The following EHMT1 variants were observed in gnomAD, a reference collection of about 807,000 sequenced individuals.
EHMT1 encodes euchromatic histone lysine methyltransferase 1.
Under a neutral mutation model 147.2 loss-of-function variants are expected in EHMT1, and 15 were observed. The observed-to-expected ratio is 0.10, with a 90% CI of 0.07 to 0.16. The LOEUF is 0.16. Ranked by LOEUF, EHMT1 falls within the 10% of genes least tolerant of loss-of-function variation. The pLI, the probability that EHMT1 is intolerant of heterozygous loss-of-function variation, is 1.00. For missense variants in EHMT1, 1,587 were observed against 1,772.4 expected, an observed-to-expected ratio of 0.90 and a Z score of 1.88; for synonymous variants, 795 against 709.6, an observed-to-expected ratio of 1.12 and a Z score of -1.91.
chr9:137,719,042 C>T (rs186134650), intron 3 of EHMT1, among the ~76,000 whole-genome samples: 7 of 152,180 alleles, frequency 4.6e-5, no homozygotes, highest in Admixed American at 3.3e-4. Flanking sequence ...TGTGAGCCAC[C>T]GCGCCCGGCC....
At chr9:137,654,833 C>T (rs1411409564) in intron 1 of EHMT1, among the ~76,000 whole-genome samples, 1 of 152,082 alleles carries the variant, frequency 6.6e-6, no homozygotes, top group African/African-American at 2.4e-5. Flanking sequence ...GTTCTGAGCC[C>T]ACAGGGTGGT....
chr9:137,814,760 G>A (rs1265295277), intron 22 of EHMT1: 5 of 598,214 alleles, frequency 8.4e-6, no homozygotes, highest in East Asian at 5.6e-5. Context: ...GGATGGTGGC[G>A]GGGGTGGGCA....
At chr9:137,652,497 C>T (rs1384611118) in intron 1 of EHMT1, among the ~76,000 whole-genome samples, 1 of 151,910 alleles carries the variant, frequency 6.6e-6, no homozygotes, top group African/African-American at 2.4e-5. Context: ...AGCAATTCTC[C>T]TGCCTCAGCT....
chr9:137,717,012 G>T lies in EHMT1; in HGVS notation c.472G>T (p.Gly158Trp). The T allele has an allele frequency of 6.2e-7, 1 of 1,607,234 alleles. No individual in the cohort carries two copies. The highest frequency in any genetic ancestry group is 8.5e-7 in the Non-Finnish European group (1 of 1,175,646). ...PGHAAKTLPG[G>W]AGKGRTPSAF... ...CCATGCTGCAAAAACCCTTCCTGGA[G>T]GGGCTGGCAAAGGCAGGACTCCAAG... is the stretch of plus-strand genomic sequence containing the variant. Residue 158 changes from glycine to tryptophan, a missense_variant, in exon 3 of 27, where the codon GGG (glycine) becomes TGG (tryptophan). Gly to Trp is a radical substitution (Grantham distance 184, BLOSUM62 -2). This residue lies in a region of EHMT1 where 810 missense variants were observed against 673.0 expected (regional missense o/e 1.20). Coordinates refer to ENST00000460843, the MANE Select transcript of EHMT1 (RefSeq NM_024757.5).
At chr9:137,709,412 C>T (rs143476930) in intron 1 of EHMT1, among the ~76,000 whole-genome samples, 16 of 152,286 alleles carry the variant, frequency 1.1e-4, no homozygotes, top group African/African-American at 3.6e-4. Context: ...CCTGCCTTAC[C>T]GTGGTGGGGT....
At chr9:137,781,393 C>CGCTGGGATGTGTGGTGATGAT (rs1951531683) in intron 14 of EHMT1, among the ~76,000 whole-genome samples, 35 of 145,134 alleles carry the variant, frequency 2.4e-4, no homozygotes, top group Admixed American at 2.2e-3. Context: ...GTGGTGATGA[C>CGCTGGGATGTGTGGTGATGAT]GCTGGGATGT....
intron 6 of EHMT1, among the ~76,000 whole-genome samples, chr9:137,750,629 C>T (rs1246860583): frequency 6.6e-6 from 1 of 152,226 alleles, no homozygotes. Flanking sequence ...TTCAGAACAG[C>T]TCCCATCAAG....
chr9:137,644,183 C>T (rs1206275310), intron 1 of EHMT1, among the ~76,000 whole-genome samples: 1 of 152,114 alleles, frequency 6.6e-6, no homozygotes, highest in Non-Finnish European at 1.5e-5. Flanking sequence ...CATACGTGGT[C>T]TCTGGGAAGC....
chr9:137,634,053 T>A (rs972709249), intron 1 of EHMT1, among the ~76,000 whole-genome samples: 2 of 152,186 alleles, frequency 1.3e-5, no homozygotes, highest in Non-Finnish European at 2.9e-5. Context: ...CTTCAAGTGA[T>A]CCACCTGCCT....
intron 25 of EHMT1, among the ~76,000 whole-genome samples, chr9:137,823,137 C>T (rs1210214560): frequency 2.2e-5 from 3 of 136,842 alleles, no homozygotes; most frequent in Admixed American, 7.6e-5. Flanking sequence ...CTCACTCTGT[C>T]GCCCAGGCTG....
chr9:137,784,049 A>G, intron 15 of EHMT1: 1 of 833,396 alleles, frequency 1.2e-6, no homozygotes, highest in South Asian at 1.5e-5. Flanking sequence ...TTCTCTAGCT[A>G]TAAGAGAATA....
rs1264762116 is a variant in EHMT1, at chr9:137,834,974, C to T, written c.*21C>T. 2 of 1,388,438 alleles carry T rather than the reference C, an allele frequency of 1.4e-6. No homozygotes were observed. Among genetic ancestry groups the T allele is most frequent in the South Asian group, 3.2e-5 (2 of 61,636 alleles). 86.0% of individuals were successfully genotyped at this position (1,388,438 alleles called of 1,614,324 possible). Reference sequence around the variant, plus strand: ...TATGAGACGCCGCCGGCCAGCGGGGCGCTCGGGAGCCAGGGACCGCCGCGT... The same window carrying T: ...TATGAGACGCCGCCGGCCAGCGGGGTGCTCGGGAGCCAGGGACCGCCGCGT... On this transcript the variant is annotated 3_prime_UTR_variant, in exon 27 of 27. Coordinates refer to ENST00000460843, the MANE Select transcript of EHMT1 (RefSeq NM_024757.5).
chr9:137,800,639 G>A (rs953904234), intron 17 of EHMT1: 1 of 568,370 alleles, frequency 1.8e-6, no homozygotes, highest in Non-Finnish European at 3.2e-6. Flanking sequence ...GGGCATGTCG[G>A]GCAGGGTTGT....
intron 4 of EHMT1, among the ~76,000 whole-genome samples, chr9:137,738,412 T>C (rs1453778710): frequency 6.6e-6 from 1 of 151,930 alleles, no homozygotes; most frequent in South Asian, 2.1e-4. Flanking sequence ...ATGGCACATA[T>C]CAGTGAGGAT....
intron 10 of EHMT1, chr9:137,763,370 C>T (rs774024661): frequency 2.1e-5 from 4 of 189,330 alleles, no homozygotes; most frequent in East Asian, 1.2e-4. Flanking sequence ...CTTTTTAACA[C>T]GATTTCTTTC....
intron 1 of EHMT1, among the ~76,000 whole-genome samples, chr9:137,684,940 A>G (rs1038077807): frequency 9.9e-5 from 15 of 152,046 alleles, no homozygotes; most frequent in Admixed American, 6.6e-5. Context: ...CTGCATATAC[A>G]TTGTATTTTT....
At chr9:137,693,532 C>T (rs1274973598) in intron 1 of EHMT1, among the ~76,000 whole-genome samples, 2 of 152,100 alleles carry the variant, frequency 1.3e-5, no homozygotes, top group African/African-American at 2.4e-5. Context: ...CTTTGCCTGT[C>T]ACTTACCCAC....
intron 1 of EHMT1, chr9:137,667,195 G>GGGT (rs1342911180): frequency 1.3e-5 from 2 of 152,224 alleles, no homozygotes; most frequent in Non-Finnish European, 2.9e-5. Context: ...GCACTGTTTT[G>GGGT]GGTAGTGGTT....
Position 137,834,848 on chromosome 9 carries a change from G to A in EHMT1, c.3792G>A (p.Arg1264=), listed in dbSNP as rs144599367. The stretch of plus-strand genomic sequence containing the variant: ...GCCGCTGCGGCTCCCCCAAGTGCCG[G>A]CACTCGAGCGCGGCCCTGGCCCAGC... ...FSCRCGSPKC[R]HSSAALAQRQ... The change falls in exon 27 of 27, where the codon CGG becomes CGA. Residue 1264 remains arginine, a synonymous_variant. Coordinates refer to ENST00000460843, the MANE Select transcript of EHMT1 (RefSeq NM_024757.5). 6.2e-7 allele frequency: 1 copy of A among 1,612,152 alleles called. No individual in the cohort carries two copies. Among genetic ancestry groups the A allele is most frequent in the Middle Eastern group, 1.7e-4 (1 of 5,778 alleles).
Sources: allele counts gnomAD v4.1 joint callset (sites outside exome capture counted in the v4.1 genomes callset), GRCh38; gene constraint gnomAD v4.1.1; regional missense constraint gnomAD v4.1.1; transcripts MANE v1.5; gene names NCBI Gene and HGNC (gene_info 2026-07-23, HGNC 2026-07-21).